CCDC15: variants seen among roughly 807,000 people sequenced by gnomAD.
CCDC15 encodes coiled-coil domain containing 15, also known as coiled-coil domain-containing protein 15.
Under a neutral mutation model 114.5 loss-of-function variants are expected in CCDC15, and 105 were observed. That is an observed-to-expected ratio of 0.92 (90% CI 0.78 to 1.08). The LOEUF is 1.08. Ranked by LOEUF, CCDC15 falls within the 50% of genes least tolerant of loss-of-function variation. The pLI, the probability that CCDC15 is intolerant of heterozygous loss-of-function variation, is 0.00. For missense variants in CCDC15, 1,105 were observed against 1,093.6 expected (o/e 1.01, Z -0.15); for synonymous variants, 334 against 377.8 (o/e 0.88, Z 1.34).
intron 10 of CCDC15, 83 bp from the exon 11 acceptor site, chr11:124,993,086 G>C: frequency 2.5e-6 from 2 of 798,798 alleles, no homozygotes; most frequent in Non-Finnish European, 4.3e-6. Context: ...ATTACTCTGG[G>C]ATTGTCACTG....
chr11:125,014,963 T>C (rs986744976), intron 13 of CCDC15, among the ~76,000 whole-genome samples: 2 of 152,210 alleles, frequency 1.3e-5, no homozygotes, highest in African/African-American at 4.8e-5. Context: ...TCTGTAACTT[T>C]AGTGATATTA....
intron 11 of CCDC15, among the ~76,000 whole-genome samples, chr11:124,997,458 G>A (rs190342082): frequency 1.3e-5 from 2 of 151,646 alleles, no homozygotes; most frequent in Admixed American, 1.3e-4. Context: ...CTTGGCTAAT[G>A]TTTATATTTT....
At chr11:124,956,630 T>C (rs1435464548) in intron 2 of CCDC15, among the ~76,000 whole-genome samples, 2 of 152,228 alleles carry the variant, frequency 1.3e-5, no homozygotes, top group African/African-American at 4.8e-5. Context: ...ACTTTTTCTA[T>C]GTTAAGAAGT....
intron 5 of CCDC15, among the ~76,000 whole-genome samples, chr11:124,975,604 C>G (rs76230486): frequency 0.051 from 7,746 of 152,044 alleles, 226 homozygotes; most frequent in Middle Eastern, 0.082. Context: ...AGCTTCTGTG[C>G]TAGTTGGGAA....
At chr11:125,011,128 A>C (rs1265583449) in intron 13 of CCDC15, among the ~76,000 whole-genome samples, 1 of 152,022 alleles carries the variant, frequency 6.6e-6, no homozygotes, top group Non-Finnish European at 1.5e-5. Context: ...AATGAAAAAA[A>C]AATAAACCTT....
chr11:124,989,274 G>A (rs568462692), intron 8 of CCDC15, among the ~76,000 whole-genome samples: 22 of 152,260 alleles, frequency 1.4e-4, no homozygotes, highest in African/African-American at 4.3e-4. Context: ...AGTTTAAAAG[G>A]CATCTTTATT....
chr11:125,024,333 T>G (rs572257082), intron 13 of CCDC15, among the ~76,000 whole-genome samples: 8 of 152,190 alleles, frequency 5.3e-5, no homozygotes, highest in Non-Finnish European at 8.8e-5. Context: ...AATTTAAAAA[T>G]TAGTGTTTCA....
intron 13 of CCDC15, among the ~76,000 whole-genome samples, chr11:125,021,786 G>A (rs965357513): frequency 6.6e-6 from 1 of 151,840 alleles, no homozygotes; most frequent in Non-Finnish European, 1.5e-5. Flanking sequence ...AAACAATGCT[G>A]ACGTGTTCCC....
At chr11:124,979,416 A>G (rs772430321) in intron 6 of CCDC15, among the ~76,000 whole-genome samples, 2 of 152,202 alleles carry the variant, frequency 1.3e-5, no homozygotes, top group African/African-American at 4.8e-5. Context: ...ATCCATGAGC[A>G]TGAAATGTTT....
intron 8 of CCDC15, among the ~76,000 whole-genome samples, chr11:124,990,562 C>A (rs568955127): frequency 6.6e-6 from 1 of 152,214 alleles, no homozygotes; most frequent in South Asian, 2.1e-4. Flanking sequence ...ATTTGGAGAT[C>A]CATACTTGGA....
chr11:124,985,706 TTA>T (rs964855238), intron 6 of CCDC15, among the ~76,000 whole-genome samples: 100 of 150,822 alleles, frequency 6.6e-4, no homozygotes, highest in Middle Eastern at 3.5e-3. Context: ...TGTTAAGTGT[TTA>T]TATATATATA....
At chr11:125,027,400 T>G (rs1439450161) in intron 13 of CCDC15, among the ~76,000 whole-genome samples, 1 of 152,172 alleles carries the variant, frequency 6.6e-6, no homozygotes, top group Non-Finnish European at 1.5e-5. Flanking sequence ...CCAACATCTA[T>G]TATTTTTTTT....
intron 13 of CCDC15, among the ~76,000 whole-genome samples, chr11:125,035,047 T>C (rs1341423146): frequency 1.3e-5 from 2 of 152,112 alleles, no homozygotes; most frequent in East Asian, 3.9e-4. Context: ...GCTGAAGAAC[T>C]TGGAGTCTGA....
intron 7 of CCDC15, 35 bp from the exon 8 acceptor site, chr11:124,987,088 AACTC>A: frequency 6.9e-7 from 1 of 1,456,656 alleles, no homozygotes; most frequent in Non-Finnish European, 9.1e-7. Context: ...TATTGCTACT[AACTC>A]ACATTCTGTA....
chr11:125,025,035 A>AAT (rs1382986334), intron 13 of CCDC15, among the ~76,000 whole-genome samples: 14 of 121,494 alleles, frequency 1.2e-4, no homozygotes, highest in African/African-American at 4.3e-4. Context: ...TATATATATG[A>AAT]ATACATATGA....
In CCDC15 at chr11:124,992,167, T is replaced by A. The variant is rs186898800; in HGVS notation, c.2032-413T>A. ...ACTTCAGTGGTACAAAAGACCCTGGTCTAGGGAACTATATGAGTCAAAATC... is the reference window on the plus strand; with the variant it reads ...ACTTCAGTGGTACAAAAGACCCTGGACTAGGGAACTATATGAGTCAAAATC... On this transcript the variant is annotated intron_variant, in intron 9 of 15. Transcript: ENST00000344762. Among the ~76,000 whole-genome samples, 21 of 152,332 alleles carry A rather than the reference T, an allele frequency of 1.4e-4. No homozygotes were observed. In the East Asian group the frequency reaches 3.7e-3, roughly 27 times the overall value.
At chr11:125,032,124 G>A (rs918000355) in intron 13 of CCDC15, among the ~76,000 whole-genome samples, 3 of 152,140 alleles carry the variant, frequency 2.0e-5, no homozygotes, top group Non-Finnish European at 4.4e-5. Context: ...GCTACTTCTC[G>A]CTCACTGGAT....
chr11:124,995,002 T>G (rs971678798), intron 11 of CCDC15, among the ~76,000 whole-genome samples: 3 of 152,218 alleles, frequency 2.0e-5, no homozygotes, highest in Admixed American at 1.3e-4. Context: ...GAGTTTGGGC[T>G]GCGGTTTTCA....
At chr11:125,002,731 C>T (rs943995047) in intron 11 of CCDC15, among the ~76,000 whole-genome samples, 4 of 152,090 alleles carry the variant, frequency 2.6e-5, no homozygotes, top group African/African-American at 9.7e-5. Flanking sequence ...TTTCTGAACT[C>T]TCACTTTTAT....
Sources: allele counts gnomAD v4.1 joint callset (sites outside exome capture counted in the v4.1 genomes callset), GRCh38; gene constraint gnomAD v4.1.1; transcripts MANE v1.5; gene names NCBI Gene and HGNC (gene_info 2026-07-23, HGNC 2026-07-21).